The following HRK variants were observed in gnomAD, a reference collection of about 807,000 sequenced individuals.
HRK encodes activator of apoptosis harakiri.
A neutral mutation model predicts 5.9 loss-of-function variants in HRK; 6 were observed. The ratio of observed to expected loss-of-function variants is 1.02; its 90% CI spans 0.56 to 2.01. The LOEUF is 2.01. HRK is among the 30% of genes most tolerant of loss of function. The pLI, the probability that HRK is intolerant of heterozygous loss-of-function variation, is 0.00. For synonymous variants in HRK, 85 were observed against 65.1 expected (o/e 1.31, Z -1.47); for missense variants, 133 against 128.3 (o/e 1.04, Z -0.18).
At chr12:116,877,558 G>A (rs1878982312) in intron 1 of HRK, among the ~76,000 whole-genome samples, 1 of 152,208 alleles carries the variant, frequency 6.6e-6, no homozygotes, top group Admixed American at 6.5e-5. Flanking sequence ...AGGGCAGGTA[G>A]GAGTGGTGTG....
chr12:116,868,171 G>C (rs991588513), intron 1 of HRK, among the ~76,000 whole-genome samples: 1 of 151,412 alleles, frequency 6.6e-6, no homozygotes, highest in South Asian at 2.1e-4. Flanking sequence ...GCCCAGGCTG[G>C]TCTCGAACTG....
intron 1 of HRK, among the ~76,000 whole-genome samples, chr12:116,865,304 G>C (rs1161488874): frequency 6.6e-6 from 1 of 152,054 alleles, no homozygotes; most frequent in Non-Finnish European, 1.5e-5. Context: ...CACTTTGGGA[G>C]GCCAAGGAGG....
intron 1 of HRK, among the ~76,000 whole-genome samples, chr12:116,880,667 TA>T (rs1297985280): frequency 2.0e-5 from 3 of 152,008 alleles, no homozygotes; most frequent in Non-Finnish European, 4.4e-5. Context: ...ATTGTGTGTT[TA>T]TTTGTGGGGC....
chr12:116,868,129 AT>A (rs5801204), intron 1 of HRK, among the ~76,000 whole-genome samples: 140,341 of 149,450 alleles, frequency 0.94, 65,957 homozygotes, highest in African/African-American at 0.98. Context: ...AAAATGACTG[AT>A]TTTTTTTTTT....
chr12:116,876,849 C>T (rs998942685), intron 1 of HRK: 2 of 152,336 alleles, frequency 1.3e-5, no homozygotes, highest in African/African-American at 2.4e-5. Context: ...GTGCACCAAC[C>T]CGGTCTGCTT....
In HRK at chr12:116,879,111, G is replaced by C. The variant is rs188205576; in HGVS notation, c.*56+1865C>G. 2.1e-4 allele frequency: 32 copies of C among 152,150 alleles called. No individual in the cohort carries two copies. The highest frequency in any genetic ancestry group is 7.5e-4 in the African/African-American group (31 of 41,500). The allele number at this position is 152,150 out of a possible 1,614,324, so 9.4% of individuals were successfully genotyped here. On this transcript the variant is annotated intron_variant, in intron 1 of 1. Transcript: ENST00000257572. The surrounding 1 kb of genome is among the most constrained non-coding windows in gnomAD (Gnocchi z 5.6). Reference sequence around the variant, plus strand: ...GGAACACACAGTCAGGCTCCGGCCCGGAGTCCTCGGCCTCCCGGGAGGGGC... The same window carrying C: ...GGAACACACAGTCAGGCTCCGGCCCCGAGTCCTCGGCCTCCCGGGAGGGGC...
intron 1 of HRK, among the ~76,000 whole-genome samples, chr12:116,875,243 T>G (rs1358862432): frequency 1.3e-5 from 2 of 152,180 alleles, no homozygotes; most frequent in Non-Finnish European, 2.9e-5. Context: ...GGATCCAAAG[T>G]GGGATCCTGG....
At chr12:116,870,315 A>T (rs1878701412) in intron 1 of HRK, among the ~76,000 whole-genome samples, 1 of 152,220 alleles carries the variant, frequency 6.6e-6, no homozygotes, top group Non-Finnish European at 1.5e-5. Flanking sequence ...AGGTACAGTC[A>T]GGCAGAGAAG....
At chr12:116,877,316 A>G (rs1878972298) in intron 1 of HRK, among the ~76,000 whole-genome samples, 2 of 151,746 alleles carry the variant, frequency 1.3e-5, no homozygotes, top group African/African-American at 4.9e-5. Context: ...TTGGCCTCCC[A>G]AAGAACTGGG....
intron 1 of HRK, among the ~76,000 whole-genome samples, chr12:116,877,120 A>G (rs1318641489): frequency 6.6e-6 from 1 of 152,168 alleles, no homozygotes; most frequent in African/African-American, 2.4e-5. Context: ...GTGCGATCTC[A>G]GCTTACTGCA....
rs1305954269 is a variant in HRK at position 116,881,137 on chromosome 12, C to G, written c.171G>C (p.Arg57=). The G allele has an allele frequency of 1.6e-5, 19 of 1,200,566 alleles. No homozygotes were observed. The highest frequency in any genetic ancestry group is 1.8e-5 in the Non-Finnish European group (17 of 969,168). The allele number at this position is 1,200,566 out of a possible 1,614,324, so 74.4% of individuals were successfully genotyped here. ...RTMWRRRARS[R]RAPAPGALPT... ...GGAGCGCGCCGGGCGCCGGCGCCCT[C>G]CGGCTCCGCGCGCGGCGCCGCCACA... The change falls in exon 1 of 2, where the codon CGG becomes CGC. Residue 57 remains arginine (R), a synonymous_variant. Coordinates refer to ENST00000257572, the MANE Select transcript of HRK (RefSeq NM_003806.4).
intron 1 of HRK, among the ~76,000 whole-genome samples, chr12:116,861,975 G>A (rs753699093): frequency 7.9e-5 from 12 of 152,284 alleles, no homozygotes; most frequent in Middle Eastern, 3.4e-3. Flanking sequence ...GTTCAATGAC[G>A]TAATTCTTGC....
intron 1 of HRK, among the ~76,000 whole-genome samples, chr12:116,875,839 C>T (rs747187238): frequency 7.2e-5 from 11 of 152,246 alleles, no homozygotes; most frequent in African/African-American, 9.6e-5. Context: ...CCAGCATACC[C>T]GGCTGATGTT....
chr12:116,863,095 G>A lies in HRK; in HGVS notation c.*57-1629C>T, dbSNP rs150700285. Among the ~76,000 whole-genome samples, 79 of 152,286 alleles carry A rather than the reference G, an allele frequency of 5.2e-4. No individual in the cohort carries two copies. The Middle Eastern group carries it at 0.01, about 20-fold the overall frequency. On this transcript the variant is annotated intron_variant, in intron 1 of 1. Transcript: ENST00000257572. ...CGGGGGAGATAAGAACGTATCACCC[G>A]TTATTCTAAAGCAGGTGGCATATGA...
Position 116,881,150 on chromosome 12 carries a change from C to T in HRK, c.158G>A (p.Arg53His). The T allele has an allele frequency of 1.7e-6, 2 of 1,184,940 alleles. No individual in the cohort carries two copies. Among genetic ancestry groups the T allele is most frequent in the Non-Finnish European group, 1.0e-6 (1 of 959,552 alleles). The allele number at this position is 1,184,940 out of a possible 1,614,324, so 73.4% of individuals were successfully genotyped here. A position where few individuals can be genotyped will look rare whatever the true frequency, so the allele number is the denominator to read the frequency against. ...CGCCGGCGCCCTCCGGCTCCGCGCG[C>T]GGCGCCGCCACATGGTGCGCTGGTG... ...ELHQRTMWRR[R>H]ARSRRAPAPG... Residue 53 changes from arginine to histidine, a missense_variant, in exon 1 of 2, where the codon CGC becomes CAC. By Grantham distance (29) the Arg-to-His change is conservative (BLOSUM62 0). Transcript: ENST00000257572.
intron 1 of HRK, among the ~76,000 whole-genome samples, chr12:116,877,193 G>A (rs1427179707): frequency 6.6e-6 from 1 of 150,436 alleles, no homozygotes; most frequent in Non-Finnish European, 1.5e-5. Flanking sequence ...TGAGACTACA[G>A]GTGCACACCA....
chr12:116,880,904 C>A (rs1269162172), intron 1 of HRK, 72 bp downstream of exon 1: 7 of 615,284 alleles, frequency 1.1e-5, no homozygotes, highest in Non-Finnish European at 1.6e-5. Flanking sequence ...GCCACTCTCC[C>A]GCTCCCGGGC....
chr12:116,869,320 T>C (rs947003611), intron 1 of HRK, among the ~76,000 whole-genome samples: 10 of 152,058 alleles, frequency 6.6e-5, no homozygotes, highest in Non-Finnish European at 1.0e-4. Context: ...ACAACACATA[T>C]CATAGGCTGT....
rs543709851 is a variant in HRK at position 116,857,752 on chromosome 12, G to C, written c.*3771C>G. On this transcript the variant is annotated 3_prime_UTR_variant, in exon 2 of 2. Coordinates refer to ENST00000257572, the MANE Select transcript of HRK (RefSeq NM_003806.4). ...TTCCTCTCACCATCAAAACAGAAAA[G>C]AATCAAAATAAGAAGTGGAGGCTGA... 1 of 152,228 alleles carries C rather than the reference G, an allele frequency of 6.6e-6. No individual in the cohort carries two copies. Among genetic ancestry groups the C allele is most frequent in the East Asian group, 1.9e-4 (1 of 5,184 alleles). 9.4% of individuals were successfully genotyped at this position (152,228 alleles called of 1,614,324 possible).
Sources: gnomAD v4.1 joint callset for allele counts (sites outside exome capture counted in the v4.1 genomes callset) on GRCh38, gnomAD v4.1.1 for gene constraint, Gnocchi (gnomAD v3.1) non-coding constraint, MANE v1.5 for transcripts, NCBI Gene and HGNC (gene_info 2026-07-23, HGNC 2026-07-21) for gene names.